Variants in ZNF680 observed in about 807,000 individuals in gnomAD.
ZNF680 encodes zinc finger protein 680.
Under a neutral mutation model 12.1 loss-of-function variants are expected in ZNF680, and 6 were observed. The observed-to-expected ratio is 0.49, with a 90% CI of 0.27 to 0.98. ZNF680 has a LOEUF of 0.98. Ranked by LOEUF, ZNF680 falls within the 50% of genes least tolerant of loss-of-function variation. The pLI is 0.12. For synonymous variants in ZNF680, 170 were observed against 199.3 expected (o/e 0.85, Z 1.24); for missense variants, 561 against 616.3 (o/e 0.91, Z 0.95).
At chr7:64,507,787 G>A in the ZNF680 span, among the ~76,000 whole-genome samples, 1 of 149,916 alleles carries the variant, frequency 6.7e-6, no homozygotes, top group Non-Finnish European at 1.5e-5. Flanking sequence ...AATTGGGCCA[G>A]AGAAAAAAGT....
chr7:64,516,208 G>A (rs1278275972), downstream of ZNF680, among the ~76,000 whole-genome samples: 2 of 152,126 alleles, frequency 1.3e-5, no homozygotes, highest in Non-Finnish European at 2.9e-5. Flanking sequence ...TCACTTTTGT[G>A]TTCGTACTTT....
chr7:64,501,054 C>A, the ZNF680 span: 1 of 772,008 alleles, frequency 1.3e-6, no homozygotes, highest in Non-Finnish European at 2.3e-6. Flanking sequence ...TAATTGCTGG[C>A]CAGGTTTTAG....
chr7:64,510,563 G>A, the ZNF680 span, among the ~76,000 whole-genome samples: 4 of 152,132 alleles, frequency 2.6e-5, no homozygotes, highest in Admixed American at 2.0e-4. Context: ...CCCCAACTGA[G>A]GGGGTCTTTC....
chr7:64,555,632 G>C (rs566265082), intron 1 of ZNF680, among the ~76,000 whole-genome samples: 2 of 150,782 alleles, frequency 1.3e-5, no homozygotes, highest in South Asian at 4.2e-4. Context: ...CCCTAAGCTA[G>C]GAAAAGACAA....
intron 1 of ZNF680, among the ~76,000 whole-genome samples, chr7:64,549,964 C>T (rs552082154): frequency 6.6e-6 from 1 of 152,120 alleles, no homozygotes; most frequent in Admixed American, 6.5e-5. Flanking sequence ...GCCTGGGCGA[C>T]AAGAACAAGA....
the ZNF680 span, among the ~76,000 whole-genome samples, chr7:64,506,896 A>G: frequency 1.3e-5 from 2 of 152,198 alleles, no homozygotes; most frequent in Non-Finnish European, 2.9e-5. Flanking sequence ...AGTTACTGTG[A>G]GAATTAAATT....
chr7:64,533,265 C>G (rs1785983116), intron 3 of ZNF680, among the ~76,000 whole-genome samples: 1 of 152,058 alleles, frequency 6.6e-6, no homozygotes, highest in African/African-American at 2.4e-5. Flanking sequence ...ATCTTGAAAA[C>G]CCCAAAGACT....
At chr7:64,555,360 T>C (rs1028394993) in intron 1 of ZNF680, among the ~76,000 whole-genome samples, 6 of 148,370 alleles carry the variant, frequency 4.0e-5, no homozygotes, top group Admixed American at 1.3e-4. Flanking sequence ...AAAAAAACAC[T>C]TGAAGTGATA....
intron 1 of ZNF680, among the ~76,000 whole-genome samples, chr7:64,556,737 A>G (rs557004230): frequency 9.9e-5 from 15 of 152,254 alleles, no homozygotes; most frequent in Non-Finnish European, 2.2e-4. Flanking sequence ...TATTATTGAC[A>G]TAGGAACTGG....
intron 3 of ZNF680, among the ~76,000 whole-genome samples, chr7:64,527,664 C>T (rs896794521): frequency 7.5e-4 from 114 of 151,864 alleles, no homozygotes; most frequent in African/African-American, 2.5e-3. Context: ...CATTGCACTC[C>T]GGCCTGAGCA....
the ZNF680 span, among the ~76,000 whole-genome samples, chr7:64,511,183 T>C: frequency 5.3e-5 from 8 of 151,952 alleles, no homozygotes; most frequent in Non-Finnish European, 1.2e-4. Context: ...GGCAGGAGAA[T>C]TGCTGAAACG....
In ZNF680 at chr7:64,520,891, AC is replaced by A. The variant is rs1230554906; in HGVS notation, c.*269del. 1 of 332,166 alleles carries A rather than the reference AC, an allele frequency of 3.0e-6. No individual in the cohort carries two copies. The highest frequency in any genetic ancestry group is 5.5e-6 in the Non-Finnish European group (1 of 183,388). 20.6% of individuals were successfully genotyped at this position (332,166 alleles called of 1,614,324 possible). A position where few individuals can be genotyped will look rare whatever the true frequency, so the allele number is the denominator to read the frequency against. On this transcript the variant is annotated 3_prime_UTR_variant, in exon 4 of 4. Coordinates refer to ENST00000309683, the MANE Select transcript of ZNF680 (RefSeq NM_178558.5). ...TTTATAATGCTTTTAATAAGTATAAACTCTGGTGTTGAGTAAGATGTGAAAA... is the reference window on the plus strand; with the variant it reads ...TTTATAATGCTTTTAATAAGTATAAATCTGGTGTTGAGTAAGATGTGAAAA...
the ZNF680 span, among the ~76,000 whole-genome samples, chr7:64,508,889 A>C: frequency 6.6e-6 from 1 of 152,296 alleles, no homozygotes; most frequent in Non-Finnish European, 1.5e-5. Context: ...TTAGGAATGT[A>C]ACTTTAAAAA....
At chr7:64,501,848 G>A in the ZNF680 span, 1 of 549,852 alleles carries the variant, frequency 1.8e-6, no homozygotes, top group African/African-American at 1.9e-5. Context: ...CATTGTCCTT[G>A]TCTTTCCCAT....
chr7:64,508,177 C>T, the ZNF680 span, among the ~76,000 whole-genome samples: 52 of 119,378 alleles, frequency 4.4e-4, no homozygotes, highest in East Asian at 0.015. Context: ...CAGAGTCTTG[C>T]TCTGTTGCCC....
intron 3 of ZNF680, among the ~76,000 whole-genome samples, chr7:64,529,815 A>G (rs1454412173): frequency 6.6e-6 from 1 of 152,228 alleles, no homozygotes; most frequent in African/African-American, 2.4e-5. Context: ...GAAATTTATC[A>G]CAAAAAGAGT....
At chr7:64,500,434 C>A in the ZNF680 span, among the ~76,000 whole-genome samples, 1 of 152,038 alleles carries the variant, frequency 6.6e-6, no homozygotes. Flanking sequence ...TATATTTGCA[C>A]AATGGAATGC....
At chr7:64,542,119 C>A (rs1302366491) in intron 3 of ZNF680, among the ~76,000 whole-genome samples, 1 of 152,128 alleles carries the variant, frequency 6.6e-6, no homozygotes, top group Non-Finnish European at 1.5e-5. Context: ...TACCCAAGCC[C>A]CTGTTAAGCC....
At chr7:64,544,538 A>G in intron 1 of ZNF680, 106 bp from the exon 2 acceptor site, 1 of 1,483,368 alleles carries the variant, frequency 6.7e-7, no homozygotes, top group Non-Finnish European at 9.0e-7. Flanking sequence ...AAGACAGTAT[A>G]GAAAACTGAT....
Sources: allele counts gnomAD v4.1 joint callset (sites outside exome capture counted in the v4.1 genomes callset), GRCh38; gene constraint gnomAD v4.1.1; transcripts MANE v1.5; gene names NCBI Gene and HGNC (gene_info 2026-07-23, HGNC 2026-07-21).